The following CHL1 variants were observed in gnomAD, a reference collection of about 807,000 sequenced individuals.
The protein encoded by CHL1 is neural cell adhesion molecule L1-like protein.
Under a neutral mutation model 141.9 loss-of-function variants are expected in CHL1, and 96 were observed. The ratio of observed to expected loss-of-function variants is 0.68; its 90% CI spans 0.57 to 0.80. CHL1 has a LOEUF of 0.80. CHL1 is among the 30% of genes least tolerant of loss of function. CHL1 has a pLI of 0.00. For missense variants in CHL1, 1,820 were observed against 1,457.2 expected (o/e 1.25, Z -4.05); for synonymous variants, 613 against 502.2 (o/e 1.22, Z -2.95).
chr3:242,414 G>A (rs1266788358), intron 1 of CHL1, among the ~76,000 whole-genome samples: 1 of 138,476 alleles, frequency 7.2e-6, no homozygotes, highest in Non-Finnish European at 1.6e-5. Flanking sequence ...GGCTAACACG[G>A]TGAAACCCCG....
chr3:308,111 T>C (rs901473765), intron 2 of CHL1, among the ~76,000 whole-genome samples: 5 of 152,194 alleles, frequency 3.3e-5, no homozygotes, highest in African/African-American at 1.2e-4. Flanking sequence ...AGATCCATAT[T>C]TACTTTAACG....
intron 25 of CHL1, among the ~76,000 whole-genome samples, 185 bp from the exon 26 acceptor site, chr3:398,832 A>G (rs962184871): frequency 1.3e-5 from 2 of 152,208 alleles, no homozygotes; most frequent in African/African-American, 4.8e-5. Context: ...CTTTTTAAAT[A>G]AAGAAGGAAA....
chr3:275,080 T>A (rs1400160147), intron 2 of CHL1, among the ~76,000 whole-genome samples: 2 of 152,240 alleles, frequency 1.3e-5, no homozygotes, highest in East Asian at 1.9e-4. Flanking sequence ...CAGCACACAG[T>A]TGAAACTTCA....
At chr3:266,685 C>G (rs1183574435) in intron 2 of CHL1, among the ~76,000 whole-genome samples, 1 of 152,084 alleles carries the variant, frequency 6.6e-6, no homozygotes, top group Non-Finnish European at 1.5e-5. Context: ...TCATTTTGAG[C>G]AAATAAAGCA....
At chr3:222,109 A>G (rs924528748) in intron 1 of CHL1, among the ~76,000 whole-genome samples, 1 of 152,230 alleles carries the variant, frequency 6.6e-6, no homozygotes, top group Non-Finnish European at 1.5e-5. Flanking sequence ...ATGCTATATT[A>G]CTTGTATTAG....
rs1430334290 is a variant in CHL1 at position 398,402 on chromosome 3, T to C, written c.3253+17T>C. The C allele has an allele frequency of 3.8e-6, 6 of 1,561,110 alleles. No individual in the cohort carries two copies. Among genetic ancestry groups the C allele is most frequent in the Admixed American group, 3.4e-5 (2 of 59,618 alleles). ...GAGGGAGAGGTGAGAAATGAGATTA[T>C]ATTTGGGGAAGTCTTAGTCAATCTA... On this transcript the variant is annotated intron_variant, in intron 25 of 27. Transcript: ENST00000256509.
At chr3:327,573 A>G (rs1036180293) in intron 4 of CHL1, among the ~76,000 whole-genome samples, 4 of 152,138 alleles carry the variant, frequency 2.6e-5, no homozygotes, top group African/African-American at 9.6e-5. Context: ...GTTTCTCACA[A>G]TATTGTTCAT....
At chr3:242,399 A>C (rs9878435) in intron 1 of CHL1, among the ~76,000 whole-genome samples, 2 of 140,414 alleles carry the variant, frequency 1.4e-5, no homozygotes, top group Non-Finnish European at 1.5e-5. Flanking sequence ...GATCGAGACC[A>C]TCCTGGCTAA....
Position 273,189 on chromosome 3 carries a change from T to G in CHL1, c.-95+28497T>G, listed in dbSNP as rs529143519. On this transcript the variant is annotated intron_variant, in intron 2 of 27. Transcript: ENST00000256509. Reference sequence around the variant, plus strand: ...AGTAAATTCAGCACTTTATGAAGTTTTGTGCATTCTTCAGTGTTGTTGGCA... The same window carrying G: ...AGTAAATTCAGCACTTTATGAAGTTGTGTGCATTCTTCAGTGTTGTTGGCA... Among the ~76,000 whole-genome samples the G allele has an allele frequency of 2.6e-5, 4 of 152,262 alleles. No homozygotes were observed. The South Asian group carries it at 8.3e-4, about 32-fold the overall frequency.
At chr3:220,245 T>C (rs1700713118) in intron 1 of CHL1, among the ~76,000 whole-genome samples, 1 of 152,198 alleles carries the variant, frequency 6.6e-6, no homozygotes, top group Admixed American at 6.5e-5. Flanking sequence ...ATTCATTGAA[T>C]TGTACCTTTA....
In CHL1 at chr3:228,772, T is replaced by A. The variant is rs557385297; in HGVS notation, c.-174-15841T>A. ...GCATCTTATGTAGATTTCTAAATCC[T>A]CTACTTTGAAATCAGCTCAATGGCA... On this transcript the variant is annotated intron_variant, in intron 1 of 27. Coordinates refer to ENST00000256509, the MANE Select transcript of CHL1 (RefSeq NM_006614.4). Among the ~76,000 whole-genome samples the A allele has an allele frequency of 2.6e-5, 4 of 152,308 alleles. No individual in the cohort carries two copies. The South Asian group carries it at 8.3e-4, about 32-fold the overall frequency.
chr3:234,060 C>T (rs1691680567), intron 1 of CHL1, among the ~76,000 whole-genome samples: 1 of 152,030 alleles, frequency 6.6e-6, no homozygotes, highest in South Asian at 2.1e-4. Flanking sequence ...TGTATTCATA[C>T]ACATATCTGT....
intron 12 of CHL1, among the ~76,000 whole-genome samples, chr3:360,657 G>A (rs900607772): frequency 6.7e-6 from 1 of 149,394 alleles, no homozygotes; most frequent in Non-Finnish European, 1.5e-5. Flanking sequence ...AGTTACATAT[G>A]TATACATGTG....
intron 5 of CHL1, among the ~76,000 whole-genome samples, chr3:336,483 A>T (rs1232410294): frequency 1.3e-5 from 2 of 152,196 alleles, no homozygotes; most frequent in African/African-American, 4.8e-5. Context: ...ATGGGATTAC[A>T]CAGCTTAGGT....
At chr3:306,220 T>C (rs959881570) in intron 2 of CHL1, among the ~76,000 whole-genome samples, 1 of 152,166 alleles carries the variant, frequency 6.6e-6, no homozygotes, top group Non-Finnish European at 1.5e-5. Context: ...AATGCCATCG[T>C]TGGAGCAGAA....
chr3:328,209 C>G lies in CHL1; in HGVS notation c.240C>G (p.Asp80Glu). 2 of 1,608,670 alleles carry G rather than the reference C, an allele frequency of 1.2e-6. No homozygotes were observed. Among genetic ancestry groups the G allele is most frequent in the South Asian group, 1.1e-5 (1 of 90,360 alleles). The change falls in exon 5 of 28, where the codon GAC (aspartate) becomes GAG (glutamate). Residue 80 changes from aspartate to glutamate, a missense_variant. Asp to Glu is a conservative substitution (Grantham distance 45). Transcript: ENST00000256509. ...ATGGCAACCCTTTTTATTTCACTGACCATCGGATAATTCCATCGAACAATT... is the reference window on the plus strand; with the variant it reads ...ATGGCAACCCTTTTTATTTCACTGAGCATCGGATAATTCCATCGAACAATT... ...TKDGNPFYFT[D>E]HRIIPSNNSG...
At chr3:213,904 A>T (rs1428008812) in intron 1 of CHL1, among the ~76,000 whole-genome samples, 1 of 152,158 alleles carries the variant, frequency 6.6e-6, no homozygotes, top group Non-Finnish European at 1.5e-5. Context: ...TGTGAAAAAA[A>T]TGTGATTTAA....
At position 313,591 on chromosome 3, in the gene CHL1, A is replaced by T. The variant is rs76741269; in HGVS notation, c.-94-6092A>T. On this transcript the variant is annotated intron_variant, in intron 2 of 27. Transcript: ENST00000256509. The stretch of plus-strand genomic sequence containing the variant: ...AACAAGTGATTATTAGGAAATGATT[A>T]TTATTCAGAGTACATTAACAATAGC... Among the ~76,000 whole-genome samples, 610 of 152,332 alleles carry T rather than the reference A, an allele frequency of 4.0e-3. 3 individuals are homozygous for T. Among genetic ancestry groups the T allele is most frequent in the African/African-American group, 0.014 (579 of 41,580 alleles).
chr3:275,897 T>C (rs998456088), intron 2 of CHL1, among the ~76,000 whole-genome samples: 2 of 152,048 alleles, frequency 1.3e-5, no homozygotes, highest in African/African-American at 4.8e-5. Context: ...ATTGTATATA[T>C]ATACTATGTG....
Sources: allele counts gnomAD v4.1 joint callset (sites outside exome capture counted in the v4.1 genomes callset), GRCh38; gene constraint gnomAD v4.1.1; transcripts MANE v1.5; gene names NCBI Gene and HGNC (gene_info 2026-07-23, HGNC 2026-07-21).